SIRPG: variants seen among roughly 807,000 people sequenced by gnomAD.
The protein encoded by SIRPG is signal regulatory protein gamma.
A neutral mutation model predicts 35.7 loss-of-function variants in SIRPG; 38 were observed. That is an observed-to-expected ratio of 1.06 (90% CI 0.82 to 1.40). The LOEUF is 1.40. SIRPG is among the 40% of genes most tolerant of loss of function. The pLI, the probability that SIRPG is intolerant of heterozygous loss-of-function variation, is 0.00. For synonymous variants in SIRPG, 215 were observed against 190.4 expected, an observed-to-expected ratio of 1.13 and a Z score of -1.06; for missense variants, 519 against 483.0, an observed-to-expected ratio of 1.07 and a Z score of -0.70.
chr20:1,671,126 A>C, the SIRPG span: 1 of 427,744 alleles, frequency 2.3e-6, no homozygotes, highest in Non-Finnish European at 4.7e-6. Flanking sequence ...TGGGACTCAC[A>C]GGTGAAGCTC....
chr20:1,657,687 G>A lies in SIRPG; in HGVS notation c.28C>T (p.Pro10Ser). The change falls in exon 1 of 6, where the codon CCT becomes TCT. Residue 10 changes from proline (P) to serine (S), a missense_variant. Transcript: ENST00000303415. ...GTCAGAAGCAGGAAAGGACCAGGAGGATGGGGCCAGGAGGCTGGGACAGGC... is the reference window on the plus strand; with the variant it reads ...GTCAGAAGCAGGAAAGGACCAGGAGAATGGGGCCAGGAGGCTGGGACAGGC... Reference protein sequence around the residue: MPVPASWPHPPGPFLLLTLL... With the variant: MPVPASWPHSPGPFLLLTLL... The A allele has an allele frequency of 6.2e-7, 1 of 1,614,208 alleles. No homozygotes were observed. The highest frequency in any genetic ancestry group is 1.3e-5 in the African/African-American group (1 of 75,056).
At chr20:1,637,457 A>T (rs2091812933) in intron 2 of SIRPG, 1 of 166,692 alleles carries the variant, frequency 6.0e-6, no homozygotes, top group Non-Finnish European at 1.4e-5. Flanking sequence ...TGTTTTCAAA[A>T]ACAACATTTT....
the SIRPG span, among the ~76,000 whole-genome samples, chr20:1,678,491 A>G: frequency 6.6e-6 from 1 of 152,218 alleles, no homozygotes; most frequent in African/African-American, 2.4e-5. Flanking sequence ...AAAAAAATCA[A>G]GAAACTGGAA....
In SIRPG at chr20:1,649,416, G is replaced by T; in HGVS notation, c.74-8C>A. ...CCTCCTCACCTGCCACTTCTGAAAA[G>T]GAGCACAAAGCAATCATTTTTTCAT... On this transcript the variant is annotated splice_region_variant and splice_polypyrimidine_tract_variant and intron_variant, in intron 1 of 5. Coordinates refer to ENST00000303415, the MANE Select transcript of SIRPG (RefSeq NM_018556.4). 1.3e-6 allele frequency: 2 copies of T among 1,592,678 alleles called. No homozygotes were observed. The highest frequency in any genetic ancestry group is 1.7e-6 in the Non-Finnish European group (2 of 1,168,058).
At position 1,636,299 on chromosome 20, in the gene SIRPG, C is replaced by A; in HGVS notation, c.637G>T (p.Val213Leu). The change falls in exon 3 of 6, where the codon GTG becomes TTG. Residue 213 changes from valine to leucine, a missense_variant. Transcript: ENST00000303415. Reference sequence around the variant, plus strand: ...CGAACGTCCCAGGGGTCCAGTACCACCCTGGCTGTGCTGCGGATGCTGTAG... The same window carrying A: ...CGAACGTCCCAGGGGTCCAGTACCAACCTGGCTGTGCTGCGGATGCTGTAG... ...VAYSIRSTAR[V>L]VLDPWDVRSQ... The A allele has an allele frequency of 1.9e-6, 3 of 1,614,252 alleles. No individual in the cohort carries two copies. Among genetic ancestry groups the A allele is most frequent in the East Asian group, 2.2e-5 (1 of 44,886 alleles).
chr20:1,657,754 T>C lies in SIRPG; in HGVS notation c.-40A>G, dbSNP rs1446545437. The C allele has an allele frequency of 6.3e-7, 1 of 1,584,804 alleles. No homozygotes were observed. The highest frequency in any genetic ancestry group is 1.7e-5 in the Admixed American group (1 of 59,026). On this transcript the variant is annotated 5_prime_UTR_variant, in exon 1 of 6. Transcript: ENST00000303415. ...AAGCCTGCTCTGTTCAAACGTCTGT[T>C]CTGGGGAGATGTCAGGCCCTGCTCT...
intron 1 of SIRPG, 139 bp from the exon 2 acceptor site, chr20:1,649,547 T>A: frequency 1.4e-6 from 1 of 738,994 alleles, no homozygotes; most frequent in South Asian, 1.8e-5. Flanking sequence ...GCATGTATTA[T>A]CTCATTTAAC....
chr20:1,629,769 T>C (rs926162576), intron 5 of SIRPG, 133 bp from the exon 6 acceptor site: 2 of 171,488 alleles, frequency 1.2e-5, no homozygotes, highest in Non-Finnish European at 2.5e-5. Context: ...GATAGAACTC[T>C]GCCTGCTCAG....
the SIRPG span, among the ~76,000 whole-genome samples, chr20:1,685,198 A>G: frequency 1.3e-5 from 2 of 152,182 alleles, no homozygotes; most frequent in Non-Finnish European, 2.9e-5. Context: ...GTCCTGGGGA[A>G]GGGAAAATAA....
chr20:1,641,273 G>A (rs905863270), intron 2 of SIRPG, among the ~76,000 whole-genome samples: 18 of 152,096 alleles, frequency 1.2e-4, no homozygotes, highest in African/African-American at 3.6e-4. Context: ...ATTAATTACT[G>A]CCTCAATTTC....
chr20:1,640,704 T>C (rs1014637589), intron 2 of SIRPG, among the ~76,000 whole-genome samples: 1 of 152,288 alleles, frequency 6.6e-6, no homozygotes. Flanking sequence ...AAGGGGAATG[T>C]TTCCAGCTTT....
chr20:1,681,912 A>G, the SIRPG span, among the ~76,000 whole-genome samples: 2 of 152,136 alleles, frequency 1.3e-5, no homozygotes, highest in Non-Finnish European at 2.9e-5. Flanking sequence ...AATGGACATT[A>G]GATGATGAGG....
the SIRPG span, among the ~76,000 whole-genome samples, chr20:1,664,104 T>C: frequency 1.3e-5 from 2 of 152,156 alleles, no homozygotes; most frequent in Middle Eastern, 3.2e-3. Flanking sequence ...AGGCTCTTTG[T>C]AACAATCAAA....
upstream of SIRPG, among the ~76,000 whole-genome samples, chr20:1,660,048 A>G (rs75057984): frequency 0.029 from 4,352 of 152,346 alleles, 119 homozygotes; most frequent in South Asian, 0.11. Context: ...AAAGTTCTTT[A>G]AAGTTAGTAT....
chr20:1,648,628 A>T (rs912162898), intron 2 of SIRPG, among the ~76,000 whole-genome samples: 4 of 151,806 alleles, frequency 2.6e-5, no homozygotes, highest in Non-Finnish European at 4.4e-5. Flanking sequence ...TTGCAAACTT[A>T]AAGTATAATA....
chr20:1,641,999 G>C (rs541278728), intron 2 of SIRPG, among the ~76,000 whole-genome samples: 3 of 152,266 alleles, frequency 2.0e-5, no homozygotes, highest in Admixed American at 1.3e-4. Context: ...GCTGAGGAGT[G>C]TTTTACTTCC....
chr20:1,652,683 G>A (rs907199178), intron 1 of SIRPG, among the ~76,000 whole-genome samples: 2 of 152,012 alleles, frequency 1.3e-5, no homozygotes, highest in African/African-American at 4.8e-5. Context: ...ACAATAAAAA[G>A]GATATATGAA....
At chr20:1,683,097 A>C in the SIRPG span, among the ~76,000 whole-genome samples, 1 of 152,254 alleles carries the variant, frequency 6.6e-6, no homozygotes, top group Non-Finnish European at 1.5e-5. Context: ...AGACCTGAAT[A>C]GACATTTCTC....
At chr20:1,631,516 G>C (rs183923360) in intron 4 of SIRPG, among the ~76,000 whole-genome samples, 12 of 152,292 alleles carry the variant, frequency 7.9e-5, no homozygotes, top group African/African-American at 2.2e-4. Flanking sequence ...CTACAGTCCT[G>C]CCTCCCCATT....
Sources: gnomAD v4.1 joint callset for allele counts (sites outside exome capture counted in the v4.1 genomes callset) on GRCh38, gnomAD v4.1.1 for gene constraint, MANE v1.5 for transcripts, NCBI Gene and HGNC (gene_info 2026-07-23, HGNC 2026-07-21) for gene names.